The following RRAGB variants were observed in gnomAD, a reference collection of about 807,000 sequenced individuals.
The protein encoded by RRAGB is Ras related GTP binding B.
RRAGB carries 6 observed loss-of-function variants against 29.3 expected under a neutral mutation model. That is an observed-to-expected ratio of 0.21 (90% CI 0.11 to 0.40). The LOEUF is 0.40. RRAGB is among the 10% of genes least tolerant of loss of function. The pLI is 1.00. For synonymous variants in RRAGB, 101 were observed against 92.5 expected (o/e 1.09, Z -0.53); for missense variants, 184 against 272.9 (o/e 0.67, Z 2.29).
intron 5 of RRAGB, among the ~76,000 whole-genome samples, chrX:55,742,109 TTATGA>T (rs1250204154): frequency 8.9e-6 from 1 of 112,436 alleles, no homozygotes; most frequent in Non-Finnish European, 1.9e-5. Context: ...TACTTAAATA[TTATGA>T]TATATCATAT....
At chrX:55,728,339 A>G (rs1196498833) in intron 3 of RRAGB, among the ~76,000 whole-genome samples, 1 of 111,751 alleles carries the variant, frequency 8.9e-6, no homozygotes, top group African/African-American at 3.3e-5. Context: ...TTTACACTCC[A>G]TATGTGGCCA....
chrX:55,721,525 G>A (rs868001558), intron 2 of RRAGB, among the ~76,000 whole-genome samples: 3 of 111,583 alleles, frequency 2.7e-5, no homozygotes, highest in South Asian at 3.8e-4. Context: ...GGAACAATCA[G>A]AGGGACTACC....
chrX:55,745,908 CT>C (rs1335556325), intron 5 of RRAGB, among the ~76,000 whole-genome samples: 1 of 112,053 alleles, frequency 8.9e-6, no homozygotes, highest in African/African-American at 3.2e-5. Flanking sequence ...ATTACTTAAC[CT>C]TTATAAGGCC....
chrX:55,729,051 C>G (rs2033580201), intron 3 of RRAGB, among the ~76,000 whole-genome samples: 2 of 110,424 alleles, frequency 1.8e-5, no homozygotes, highest in Non-Finnish European at 3.8e-5. Context: ...TGTTTCTGCT[C>G]TAAGTATTAA....
At chrX:55,727,698 T>C (rs182492547) in intron 3 of RRAGB, among the ~76,000 whole-genome samples, 2 of 112,009 alleles carry the variant, frequency 1.8e-5, no homozygotes, top group East Asian at 5.6e-4. Context: ...ATGTAGTTTA[T>C]AAGAAGATAA....
intron 8 of RRAGB, 116 bp downstream of exon 8, chrX:55,756,048 C>A: frequency 4.1e-6 from 2 of 493,275 alleles, no homozygotes; most frequent in South Asian, 4.6e-5. Flanking sequence ...TTCCTTCAAT[C>A]AAAGACAAAG....
At chrX:55,722,585 T>C (rs1172044529) in intron 3 of RRAGB, among the ~76,000 whole-genome samples, 1 of 111,649 alleles carries the variant, frequency 9.0e-6, no homozygotes, top group Non-Finnish European at 1.9e-5. Flanking sequence ...GTGGGGAGAG[T>C]GTTTTTAACT....
chrX:55,744,051 T>G (rs2034165792), intron 5 of RRAGB, among the ~76,000 whole-genome samples: 1 of 110,347 alleles, frequency 9.1e-6, no homozygotes, highest in South Asian at 3.9e-4. Flanking sequence ...GTCAGCTGAT[T>G]GTGGGAAACT....
chrX:55,753,536 G>T, intron 7 of RRAGB, 22 bp downstream of exon 7: 1 of 1,174,783 alleles, frequency 8.5e-7, no homozygotes, highest in Non-Finnish European at 1.2e-6. Flanking sequence ...CTGCTTTGCA[G>T]ATGTACTTCA....
chrX:55,752,163 C>G, intron 6 of RRAGB: 2 of 674,779 alleles, frequency 3.0e-6, no homozygotes, highest in Non-Finnish European at 3.5e-6. Flanking sequence ...AATAACAGAT[C>G]ATTTTGAGAT....
At chrX:55,746,214 A>G (rs2034239867) in intron 5 of RRAGB, among the ~76,000 whole-genome samples, 1 of 111,585 alleles carries the variant, frequency 9.0e-6, no homozygotes, top group Non-Finnish European at 1.9e-5. Flanking sequence ...TAATAATTCA[A>G]ATTAAATTTT....
chrX:55,750,048 TAAAAAAAAAAAAAAAAAA>T (rs774847577), intron 5 of RRAGB, among the ~76,000 whole-genome samples: 3 of 16,764 alleles, frequency 1.8e-4, no homozygotes, highest in Non-Finnish European at 3.1e-4. Context: ...AATGATCAAT[TAAAAAAAAAAAAAAAAAA>T]AAAAAAAAAA....
chrX:55,748,822 G>A lies in RRAGB; in HGVS notation c.517-2279G>A, dbSNP rs1220632866. ...CCCCGCCTGGCCAGCTGCCCCGTCC[G>A]GGAGGTGAGGGGTGCCTCTGCCCAG... On this transcript the variant is annotated intron_variant, in intron 5 of 9. Transcript: ENST00000374941. 1.6e-4 allele frequency among the ~76,000 whole-genome samples: 17 copies of A among 106,733 alleles called. 1 individual carries two copies. The highest frequency in any genetic ancestry group is 3.8e-4 in the Admixed American group (4 of 10,436). The allele number at this position is 106,733 out of a possible 115,157, so 92.7% of individuals were successfully genotyped here.
intron 3 of RRAGB, among the ~76,000 whole-genome samples, chrX:55,729,053 A>G (rs1420535370): frequency 9.0e-6 from 1 of 110,942 alleles, no homozygotes; most frequent in Non-Finnish European, 1.9e-5. Flanking sequence ...TTTCTGCTCT[A>G]AGTATTAAAC....
chrX:55,723,883 C>T (rs1732515752), intron 3 of RRAGB, among the ~76,000 whole-genome samples: 1 of 112,276 alleles, frequency 8.9e-6, no homozygotes, highest in Admixed American at 9.4e-5. Context: ...TCATGTCTTC[C>T]TTAAGTTAAA....
intron 7 of RRAGB, among the ~76,000 whole-genome samples, chrX:55,754,148 C>A (rs775440152): frequency 2.7e-5 from 3 of 112,762 alleles, no homozygotes; most frequent in African/African-American, 6.4e-5. Context: ...GGATATTTTC[C>A]TTTTGAGAAA....
intron 5 of RRAGB, among the ~76,000 whole-genome samples, chrX:55,747,471 G>T (rs1020256661): frequency 8.9e-6 from 1 of 111,795 alleles, no homozygotes; most frequent in Non-Finnish European, 1.9e-5. Context: ...AAACTTTGTG[G>T]TCGTTTATAA....
intron 5 of RRAGB, among the ~76,000 whole-genome samples, chrX:55,737,046 C>T (rs1302103309): frequency 8.9e-6 from 1 of 112,485 alleles, no homozygotes; most frequent in Non-Finnish European, 1.9e-5. Context: ...AAACCAGCTG[C>T]AGCTGAAGTA....
chrX:55,729,756 G>A (rs906995892), intron 4 of RRAGB, among the ~76,000 whole-genome samples: 4 of 112,253 alleles, frequency 3.6e-5, no homozygotes, highest in Non-Finnish European at 7.5e-5. Context: ...CTGTAGATCA[G>A]ACACTGAGCA....
Sources: gnomAD v4.1 joint callset for allele counts (sites outside exome capture counted in the v4.1 genomes callset) on GRCh38, gnomAD v4.1.1 for gene constraint, MANE v1.5 for transcripts, NCBI Gene and HGNC (gene_info 2026-07-23, HGNC 2026-07-21) for gene names.